The following SUGCT variants were observed in gnomAD, a reference collection of about 807,000 sequenced individuals.
The protein encoded by SUGCT is succinyl-CoA:glutarate CoA-transferase.
In SUGCT, 41 loss-of-function variants were observed where a neutral mutation model predicts 55.0. That is an observed-to-expected ratio of 0.74 (90% CI 0.58 to 0.97). The LOEUF (loss-of-function observed/expected upper bound fraction) is 0.97. Among genes scored for constraint, SUGCT ranks in the 50% least tolerant of loss-of-function variants. The pLI, the probability that SUGCT is intolerant of heterozygous loss-of-function variation, is 0.00. For missense variants in SUGCT, 568 were observed against 547.8 expected, an observed-to-expected ratio of 1.04 and a Z score of -0.37; for synonymous variants, 187 against 200.4, an observed-to-expected ratio of 0.93 and a Z score of 0.56.
intron 6 of SUGCT, among the ~76,000 whole-genome samples, chr7:40,232,478 G>A (rs1788776223): frequency 6.6e-6 from 1 of 152,150 alleles, no homozygotes; most frequent in African/African-American, 2.4e-5. Flanking sequence ...TTACCAGTTT[G>A]TCAAAGGGAC....
chr7:40,910,710 A>G, the SUGCT span, among the ~76,000 whole-genome samples: 1 of 151,866 alleles, frequency 6.6e-6, no homozygotes, highest in Non-Finnish European at 1.5e-5. Context: ...TGCTAATAAT[A>G]ATGGTAACCC....
chr7:40,846,677 C>G (rs1439449855), intron 13 of SUGCT, among the ~76,000 whole-genome samples: 1 of 152,144 alleles, frequency 6.6e-6, no homozygotes, highest in Non-Finnish European at 1.5e-5. Flanking sequence ...TAATACAGTA[C>G]TGCTTTATAA....
intron 12 of SUGCT, among the ~76,000 whole-genome samples, chr7:40,570,127 T>C (rs1448260420): frequency 6.6e-6 from 1 of 152,256 alleles, no homozygotes; most frequent in African/African-American, 2.4e-5. Context: ...ACTTTTTTAG[T>C]TACCTGAAGT....
intron 13 of SUGCT, among the ~76,000 whole-genome samples, chr7:40,796,698 C>G (rs756197359): frequency 2.6e-5 from 4 of 152,108 alleles, no homozygotes; most frequent in Non-Finnish European, 4.4e-5. Flanking sequence ...GATATCACAC[C>G]CTGGTCTTCA....
chr7:40,851,172 C>T (rs150258099), intron 13 of SUGCT, among the ~76,000 whole-genome samples: 4 of 152,244 alleles, frequency 2.6e-5, no homozygotes, highest in South Asian at 2.1e-4. Flanking sequence ...CAGTCTTAAC[C>T]GCCTTGTTGT....
chr7:40,803,080 A>G (rs1051403245), intron 13 of SUGCT, among the ~76,000 whole-genome samples: 3 of 152,218 alleles, frequency 2.0e-5, no homozygotes, highest in Admixed American at 6.5e-5. Context: ...ATGATAATGG[A>G]AAATAATAAC....
intron 13 of SUGCT, among the ~76,000 whole-genome samples, chr7:40,830,671 A>C (rs1792614207): frequency 6.6e-6 from 1 of 152,170 alleles, no homozygotes; most frequent in African/African-American, 2.4e-5. Flanking sequence ...CCAGGCCTAT[A>C]GTAGGCACTC....
intron 12 of SUGCT, among the ~76,000 whole-genome samples, chr7:40,501,900 A>G (rs1792300005): frequency 6.6e-6 from 1 of 152,138 alleles, no homozygotes; most frequent in Non-Finnish European, 1.5e-5. Context: ...ATGTAACAAA[A>G]GTTTAAAATC....
chr7:40,147,035 C>CCTCTCTTTCT (rs1224732484), intron 1 of SUGCT, among the ~76,000 whole-genome samples: 1 of 136,864 alleles, frequency 7.3e-6, no homozygotes, highest in Non-Finnish European at 1.5e-5. Flanking sequence ...TTTCTCTCTG[C>CCTCTCTTTCT]CTCTCTTTCT....
intron 11 of SUGCT, among the ~76,000 whole-genome samples, chr7:40,472,570 T>C (rs1410530557): frequency 6.6e-6 from 1 of 152,048 alleles, no homozygotes. Flanking sequence ...TGTGAACATC[T>C]CAGTAATCAA....
In SUGCT at chr7:40,566,141, T is replaced by G. The variant is rs140828749; in HGVS notation, c.1089+69755T>G. Reference sequence around the variant, plus strand: ...CGTCTACAGTGTAGTCTTCTTAATCTTGAGTTCTTATCTTCTCCCCAGCAC... The same window carrying G: ...CGTCTACAGTGTAGTCTTCTTAATCGTGAGTTCTTATCTTCTCCCCAGCAC... On this transcript the variant is annotated intron_variant, in intron 12 of 13. Transcript: ENST00000335693. Among the ~76,000 whole-genome samples the G allele has an allele frequency of 3.0e-3, 456 of 152,264 alleles. 7 individuals are homozygous for G. Among genetic ancestry groups the G allele is most frequent in the East Asian group, 0.03 (153 of 5,172 alleles).
At chr7:40,514,032 C>T (rs1364119766) in intron 12 of SUGCT, among the ~76,000 whole-genome samples, 6 of 151,828 alleles carry the variant, frequency 4.0e-5, no homozygotes, top group African/African-American at 7.3e-5. Context: ...CCTCGTGATC[C>T]GCCCGCCTCG....
the SUGCT span, among the ~76,000 whole-genome samples, chr7:40,993,572 C>G: frequency 2.6e-5 from 4 of 152,210 alleles, no homozygotes; most frequent in African/African-American, 9.7e-5. Flanking sequence ...GCAGCTTCAT[C>G]TGCAGTTTCC....
intron 9 of SUGCT, among the ~76,000 whole-genome samples, chr7:40,336,693 A>G (rs4723952): frequency 0.56 from 85,412 of 151,884 alleles, 24,090 homozygotes; most frequent in South Asian, 0.65. Context: ...TCTTTTCAAA[A>G]AACCAGCTCC....
chr7:40,407,912 C>G (rs1786466973), intron 9 of SUGCT, among the ~76,000 whole-genome samples: 1 of 152,128 alleles, frequency 6.6e-6, no homozygotes, highest in African/African-American at 2.4e-5. Flanking sequence ...CCCCTGAGTT[C>G]AGACGTTTTC....
At chr7:40,155,169 C>T (rs908077453) in intron 1 of SUGCT, among the ~76,000 whole-genome samples, 2 of 151,854 alleles carry the variant, frequency 1.3e-5, no homozygotes, top group Non-Finnish European at 2.9e-5. Context: ...CCTGTAATTC[C>T]AGCTACTTGG....
intron 12 of SUGCT, among the ~76,000 whole-genome samples, chr7:40,573,736 T>G (rs971298025): frequency 1.3e-5 from 2 of 152,116 alleles, no homozygotes; most frequent in African/African-American, 4.8e-5. Context: ...CAACTCTGAG[T>G]TTTTGGAGAT....
At chr7:40,169,701 C>G (rs1305218370) in intron 1 of SUGCT, among the ~76,000 whole-genome samples, 1 of 151,972 alleles carries the variant, frequency 6.6e-6, no homozygotes, top group Admixed American at 6.5e-5. Context: ...CCAAAGCCTC[C>G]AAAGTCCGTT....
chr7:40,545,215 G>A (rs1794926128), intron 12 of SUGCT, among the ~76,000 whole-genome samples: 1 of 152,190 alleles, frequency 6.6e-6, no homozygotes, highest in African/African-American at 2.4e-5. Flanking sequence ...AACCTCAACT[G>A]ATAGCATGGA....
Sources: allele counts gnomAD v4.1 joint callset (sites outside exome capture counted in the v4.1 genomes callset), GRCh38; gene constraint gnomAD v4.1.1; transcripts MANE v1.5; gene names NCBI Gene and HGNC (gene_info 2026-07-23, HGNC 2026-07-21).